The following ERC2 variants were observed in gnomAD, a reference collection of about 807,000 sequenced individuals.
ERC2 encodes the protein ERC protein 2.
A neutral mutation model predicts 114.8 loss-of-function variants in ERC2; 42 were observed. The ratio of observed to expected loss-of-function variants is 0.37; its 90% CI spans 0.29 to 0.47. ERC2 has a LOEUF of 0.47. Among genes scored for constraint, ERC2 ranks in the 20% least tolerant of loss-of-function variants. The pLI, the probability that ERC2 is intolerant of heterozygous loss-of-function variation, is 0.99. For missense variants in ERC2, 939 were observed against 1,150.7 expected, an observed-to-expected ratio of 0.82 and a Z score of 2.66; for synonymous variants, 454 against 425.5, an observed-to-expected ratio of 1.07 and a Z score of -0.82.
intron 15 of ERC2, among the ~76,000 whole-genome samples, chr3:55,733,940 C>T (rs536450497): frequency 1.3e-5 from 2 of 152,266 alleles, no homozygotes; most frequent in South Asian, 2.1e-4. Flanking sequence ...ATAATGAACT[C>T]GAATCTTAGT....
At chr3:56,245,074 T>C (rs981753548) in intron 3 of ERC2, among the ~76,000 whole-genome samples, 4 of 151,722 alleles carry the variant, frequency 2.6e-5, no homozygotes, top group African/African-American at 9.7e-5. Context: ...CTATACCACA[T>C]AGGTTTGTGT....
chr3:56,139,878 G>A (rs890574658), intron 5 of ERC2, among the ~76,000 whole-genome samples: 8 of 152,266 alleles, frequency 5.3e-5, no homozygotes, highest in African/African-American at 1.9e-4. Context: ...GTCACTGAGA[G>A]TATAGGAAAT....
chr3:55,726,353 T>C (rs1351440160), intron 15 of ERC2, among the ~76,000 whole-genome samples: 1 of 152,144 alleles, frequency 6.6e-6, no homozygotes, highest in Admixed American at 6.5e-5. Flanking sequence ...TCCTGAACCA[T>C]AAAGGGTAAT....
At chr3:56,228,719 G>A (rs923681929) in intron 3 of ERC2, among the ~76,000 whole-genome samples, 3 of 152,164 alleles carry the variant, frequency 2.0e-5, no homozygotes, top group African/African-American at 7.2e-5. Flanking sequence ...TACCCAGAGG[G>A]TATAAAAATT....
At chr3:55,688,791 T>C (rs1345710914) in intron 16 of ERC2, among the ~76,000 whole-genome samples, 1 of 152,222 alleles carries the variant, frequency 6.6e-6, no homozygotes, top group Non-Finnish European at 1.5e-5. Context: ...GGAACTTAGA[T>C]ATTTCTAAAT....
intron 4 of ERC2, among the ~76,000 whole-genome samples, chr3:56,161,794 G>A (rs969698899): frequency 1.1e-4 from 17 of 152,004 alleles, no homozygotes; most frequent in Non-Finnish European, 1.9e-4. Context: ...TTTGGCAGTC[G>A]TTAGGGTTTT....
At chr3:56,141,415 A>G (rs540196847) in intron 5 of ERC2, among the ~76,000 whole-genome samples, 1 of 152,284 alleles carries the variant, frequency 6.6e-6, no homozygotes, top group East Asian at 1.9e-4. Context: ...ACCATGTTCT[A>G]GAAGCTCAAC....
chr3:55,592,841 C>T (rs771656855), intron 17 of ERC2, among the ~76,000 whole-genome samples: 1 of 152,194 alleles, frequency 6.6e-6, no homozygotes, highest in Non-Finnish European at 1.5e-5. Flanking sequence ...ACCTACCCAC[C>T]TTTGGTAGCT....
chr3:55,548,188 G>C (rs2054893261), intron 17 of ERC2, among the ~76,000 whole-genome samples: 1 of 152,240 alleles, frequency 6.6e-6, no homozygotes, highest in Admixed American at 6.5e-5. Flanking sequence ...GGGGTTACCA[G>C]CTGATGTGAA....
At chr3:55,921,495 T>C (rs895309250) in intron 13 of ERC2, among the ~76,000 whole-genome samples, 2 of 152,124 alleles carry the variant, frequency 1.3e-5, no homozygotes, top group African/African-American at 2.4e-5. Flanking sequence ...ATTCTCAATA[T>C]GACAGTTCAA....
intron 14 of ERC2, among the ~76,000 whole-genome samples, chr3:55,866,077 G>T (rs922243227): frequency 4.5e-4 from 68 of 152,278 alleles, no homozygotes; most frequent in Middle Eastern, 3.4e-3. Context: ...ACTGGCAAAT[G>T]TATGAGGTTT....
At chr3:55,557,117 A>G (rs74797645) in intron 17 of ERC2, among the ~76,000 whole-genome samples, 172 of 152,346 alleles carry the variant, frequency 1.1e-3, no homozygotes, top group African/African-American at 3.8e-3. Context: ...CTGACACACA[A>G]GGAGTGAGAG....
intron 17 of ERC2, among the ~76,000 whole-genome samples, chr3:55,621,362 C>T (rs1355664318): frequency 6.6e-6 from 1 of 152,142 alleles, no homozygotes; most frequent in African/African-American, 2.4e-5. Context: ...CAAACACTCC[C>T]TCATGAAAAG....
At chr3:55,800,407 G>A (rs2070949026) in intron 14 of ERC2, among the ~76,000 whole-genome samples, 2 of 152,242 alleles carry the variant, frequency 1.3e-5, no homozygotes, top group East Asian at 3.9e-4. Context: ...CTACCAAAGT[G>A]CTGGGATTAC....
rs67320179 is a variant in ERC2, at chr3:56,311,255, C to CTA, written c.658-14822_658-14821dup. Among the ~76,000 whole-genome samples the CTA allele has an allele frequency of 1.3e-3, 99 of 79,052 alleles. 1 individual carries two copies. Among genetic ancestry groups the CTA allele is most frequent in the African/African-American group, 4.2e-3 (74 of 17,476 alleles). The allele number at this position is 79,052 out of a possible 152,430, so 51.9% of individuals were successfully genotyped here. A position where few individuals can be genotyped will look rare whatever the true frequency, so the allele number is the denominator to read the frequency against. The stretch of plus-strand genomic sequence containing the variant: ...CTTCTCTCTCTCTCTCTCTCTCTCT[C>CTA]TATATATATATATATATATATATAT... On this transcript the variant is annotated intron_variant, in intron 2 of 17. Coordinates refer to ENST00000288221, the MANE Select transcript of ERC2 (RefSeq NM_015576.3).
chr3:55,784,444 G>A (rs2069315708), intron 14 of ERC2, among the ~76,000 whole-genome samples: 1 of 152,154 alleles, frequency 6.6e-6, no homozygotes, highest in Non-Finnish European at 1.5e-5. Context: ...GTGTAAAAAA[G>A]GCTGCCTAGT....
chr3:56,204,965 T>C (rs2048633521), intron 3 of ERC2, among the ~76,000 whole-genome samples: 1 of 151,912 alleles, frequency 6.6e-6, no homozygotes, highest in African/African-American at 2.4e-5. Context: ...TGTCTGTCTG[T>C]CTCATTATAA....
chr3:55,767,206 C>G (rs1381454964), intron 14 of ERC2, among the ~76,000 whole-genome samples: 1 of 152,112 alleles, frequency 6.6e-6, no homozygotes, highest in African/African-American at 2.4e-5. Context: ...CTTTAGTGTT[C>G]CAGTGGCATA....
chr3:56,087,809 CTTGAG>C (rs1320649323), intron 6 of ERC2, among the ~76,000 whole-genome samples: 1 of 152,128 alleles, frequency 6.6e-6, no homozygotes, highest in Non-Finnish European at 1.5e-5. Context: ...TAATCGTAGA[CTTGAG>C]TTAAGGGTAT....
Sources: gnomAD v4.1 joint callset for allele counts (sites outside exome capture counted in the v4.1 genomes callset) on GRCh38, gnomAD v4.1.1 for gene constraint, MANE v1.5 for transcripts, NCBI Gene and HGNC (gene_info 2026-07-23, HGNC 2026-07-21) for gene names.